Variants in UMAD1 observed in about 807,000 individuals in gnomAD.
UMAD1 encodes UBAP1-MVB12-associated (UMA) domain containing 1, also known as UBAP1-MVB12-associated (UMA)-domain containing protein 1.
UMAD1 carries 8 observed loss-of-function variants against 6.1 expected under a neutral mutation model. The observed-to-expected ratio is 1.30, with a 90% CI of 0.76 to 2.35. The LOEUF (loss-of-function observed/expected upper bound fraction) is 2.35. Among genes scored for constraint, UMAD1 ranks in the 30% most tolerant of loss-of-function variants. The pLI is 0.00. For missense variants in UMAD1, 130 were observed against 78.4 expected (o/e 1.66, Z -2.49); for synonymous variants, 56 against 31.4 (o/e 1.78, Z -2.61).
intron 3 of UMAD1, among the ~76,000 whole-genome samples, chr7:7,806,291 A>C (rs1363017965): frequency 6.6e-6 from 1 of 151,806 alleles, no homozygotes; most frequent in East Asian, 1.9e-4. Flanking sequence ...AAACCTGCAC[A>C]ATGCAGCTGA....
At chr7:7,856,609 A>G (rs917900231) in intron 3 of UMAD1, among the ~76,000 whole-genome samples, 3 of 152,098 alleles carry the variant, frequency 2.0e-5, no homozygotes, top group African/African-American at 7.2e-5. Flanking sequence ...TTTTCTTTTT[A>G]TGAAAGGGTA....
chr7:7,856,580 G>A (rs990819517), intron 3 of UMAD1, among the ~76,000 whole-genome samples: 11 of 152,294 alleles, frequency 7.2e-5, no homozygotes, highest in East Asian at 1.9e-4. Flanking sequence ...CCGCCAAACC[G>A]TATCATTGGG....
intron 2 of UMAD1, among the ~76,000 whole-genome samples, chr7:7,785,616 G>A (rs1782447828): frequency 6.6e-6 from 1 of 152,230 alleles, no homozygotes; most frequent in South Asian, 2.1e-4. Context: ...GTAGAGGAAG[G>A]GAGATTGATT....
Position 7,830,819 on chromosome 7 carries a change from G to C in UMAD1, c.156+29076G>C, listed in dbSNP as rs933612969. Among the ~76,000 whole-genome samples, 15 of 152,144 alleles carry C rather than the reference G, an allele frequency of 9.9e-5. No individual in the cohort carries two copies. Among genetic ancestry groups the C allele is most frequent in the Non-Finnish European group, 1.9e-4 (13 of 68,010 alleles). ...TCTTTCAGTACTGGATAAGTGAAGT[G>C]AATGTAAATTGAAGCCTGTTTATAT... On this transcript the variant is annotated intron_variant, in intron 3 of 3. Transcript: ENST00000682710. This position sits in a 1 kb window ranked among gnomAD's most constrained non-coding sequence, Gnocchi z 5.3.
intron 2 of UMAD1, among the ~76,000 whole-genome samples, chr7:7,749,951 C>T (rs1781647635): frequency 6.6e-6 from 1 of 152,100 alleles, no homozygotes; most frequent in South Asian, 2.1e-4. Flanking sequence ...TATTCAGTCT[C>T]AGTCCAAGAC....
chr7:7,679,821 T>A (rs187569251), intron 2 of UMAD1, among the ~76,000 whole-genome samples: 1 of 151,260 alleles, frequency 6.6e-6, no homozygotes, highest in East Asian at 1.9e-4. Flanking sequence ...TGCCTCTGCC[T>A]CCCAAAGTGC....
intron 3 of UMAD1, among the ~76,000 whole-genome samples, chr7:7,802,691 A>T (rs774283397): frequency 5.3e-4 from 81 of 152,318 alleles, no homozygotes; most frequent in Non-Finnish European, 6.0e-4. Context: ...CCTGTATTCT[A>T]GTTGTAGCAT....
chr7:7,690,974 C>G (rs1780159943), intron 2 of UMAD1, among the ~76,000 whole-genome samples: 1 of 152,170 alleles, frequency 6.6e-6, no homozygotes, highest in Non-Finnish European at 1.5e-5. Context: ...AGTGCAGTTT[C>G]TTTCTGCTCC....
At chr7:7,761,767 C>A (rs889150997) in intron 2 of UMAD1, among the ~76,000 whole-genome samples, 9 of 152,124 alleles carry the variant, frequency 5.9e-5, no homozygotes, top group African/African-American at 1.4e-4. Context: ...AATTTTGATA[C>A]CTTTTCTTCT....
chr7:7,707,395 C>A (rs992402608), intron 2 of UMAD1, among the ~76,000 whole-genome samples: 3 of 152,112 alleles, frequency 2.0e-5, no homozygotes, highest in Non-Finnish European at 4.4e-5. Flanking sequence ...AAGCCAGAAG[C>A]CTTGTGTTCA....
chr7:7,829,914 C>T (rs1252735135), intron 3 of UMAD1, among the ~76,000 whole-genome samples: 1 of 152,134 alleles, frequency 6.6e-6, no homozygotes, highest in Non-Finnish European at 1.5e-5. Context: ...CAGAGAGTCT[C>T]CTACCTGTCC....
At chr7:7,696,845 T>A (rs565382826) in intron 2 of UMAD1, among the ~76,000 whole-genome samples, 2 of 152,248 alleles carry the variant, frequency 1.3e-5, no homozygotes, top group African/African-American at 4.8e-5. Context: ...TTCTTCTTTT[T>A]TTTTTTAAAG....
intron 3 of UMAD1, among the ~76,000 whole-genome samples, chr7:7,815,256 C>T (rs1783103681): frequency 6.6e-6 from 1 of 152,020 alleles, no homozygotes; most frequent in Non-Finnish European, 1.5e-5. Flanking sequence ...TACAGGGTTA[C>T]TATAAGAATT....
In UMAD1 at chr7:7,877,888, G is replaced by A. The variant is rs1034339847; in HGVS notation, c.*350G>A. On this transcript the variant is annotated 3_prime_UTR_variant, in exon 4 of 4. Coordinates refer to ENST00000682710, the MANE Select transcript of UMAD1 (RefSeq NM_001302348.2). ...GGCATTTTTCAGTCACTACAGCTCC[G>A]AAGTCTGAGCAAGAAGTGGGTGTGA... 10 of 204,758 alleles carry A rather than the reference G, an allele frequency of 4.9e-5. No individual in the cohort carries two copies. Among genetic ancestry groups the A allele is most frequent in the East Asian group, 3.8e-4 (3 of 7,914 alleles). The allele number at this position is 204,758 out of a possible 1,614,324, so 12.7% of individuals were successfully genotyped here.
intron 2 of UMAD1, among the ~76,000 whole-genome samples, chr7:7,780,379 A>G (rs1205102883): frequency 2.0e-5 from 3 of 152,094 alleles, no homozygotes; most frequent in Non-Finnish European, 4.4e-5. Context: ...CTATTCTTTT[A>G]TTTACAAAAC....
chr7:7,825,573 A>G (rs1783322747), intron 3 of UMAD1, among the ~76,000 whole-genome samples: 1 of 152,148 alleles, frequency 6.6e-6, no homozygotes, highest in South Asian at 2.1e-4. Flanking sequence ...AGACTTATTC[A>G]CTATCATGAG....
intron 3 of UMAD1, among the ~76,000 whole-genome samples, chr7:7,860,977 A>C (rs75238804): frequency 6.6e-6 from 1 of 152,294 alleles, no homozygotes; most frequent in East Asian, 1.9e-4. Context: ...AAAACATTTT[A>C]TTAAGTAAAA....
chr7:7,721,549 A>C (rs1007220943), intron 2 of UMAD1, among the ~76,000 whole-genome samples: 2 of 152,226 alleles, frequency 1.3e-5, no homozygotes, highest in Non-Finnish European at 2.9e-5. Context: ...TATGTTTCAT[A>C]AAATATGGAG....
At chr7:7,823,200 C>A (rs2115298183) in intron 3 of UMAD1, among the ~76,000 whole-genome samples, 1 of 152,136 alleles carries the variant, frequency 6.6e-6, no homozygotes, top group Non-Finnish European at 1.5e-5. Flanking sequence ...AATAACACTC[C>A]TTATTACATA....
Sources: allele counts gnomAD v4.1 joint callset (sites outside exome capture counted in the v4.1 genomes callset), GRCh38; gene constraint gnomAD v4.1.1; non-coding constraint Gnocchi (gnomAD v3.1); transcripts MANE v1.5; gene names NCBI Gene and HGNC (gene_info 2026-07-23, HGNC 2026-07-21).